OARD1: variants seen among roughly 807,000 people sequenced by gnomAD.
The protein encoded by OARD1 is O-acyl-ADP-ribose deacylase 1, also known as ADP-ribose glycohydrolase OARD1.
In OARD1, 19 loss-of-function variants were observed where a neutral mutation model predicts 19.7. That is an observed-to-expected ratio of 0.96 (90% CI 0.67 to 1.41). The LOEUF (loss-of-function observed/expected upper bound fraction) is 1.41. Among genes scored for constraint, OARD1 ranks in the 40% most tolerant of loss-of-function variants. The pLI, the probability that OARD1 is intolerant of heterozygous loss-of-function variation, is 0.00. For synonymous variants in OARD1, 70 were observed against 61.8 expected, an observed-to-expected ratio of 1.13 and a Z score of -0.62; for missense variants, 190 against 183.8, an observed-to-expected ratio of 1.03 and a Z score of -0.20.
At chr6:41,089,523 C>A in intron 1 of OARD1, 1 of 1,486,502 alleles carries the variant, frequency 6.7e-7, no homozygotes, top group South Asian at 1.4e-5. Context: ...CTCTCGGGGA[C>A]CAAAGGAGAC....
chr6:41,095,098 C>A (rs1246175632), intron 1 of OARD1, among the ~76,000 whole-genome samples: 2 of 152,170 alleles, frequency 1.3e-5, no homozygotes, highest in Non-Finnish European at 2.9e-5. Context: ...AGCCTACTCT[C>A]CACATCCTAG....
intron 1 of OARD1, chr6:41,097,453 C>T (rs144914647): frequency 6.3e-7 from 1 of 1,597,386 alleles, no homozygotes; most frequent in East Asian, 2.2e-5. Context: ...ATGTTTCTCA[C>T]TGTTCCAGGA....
chr6:41,080,231 C>T (rs1763869371), intron 1 of OARD1, among the ~76,000 whole-genome samples: 1 of 152,062 alleles, frequency 6.6e-6, no homozygotes, highest in African/African-American at 2.4e-5. Flanking sequence ...GGAAGGTTGG[C>T]TTAAGCCCAG....
chr6:41,097,067 G>A (rs146220549), intron 1 of OARD1, among the ~76,000 whole-genome samples: 2,575 of 152,280 alleles, frequency 0.017, 33 homozygotes, highest in South Asian at 0.028. Flanking sequence ...TAACCCTTAA[G>A]TATAGAGAAC....
At chr6:41,071,529 T>G (rs773467744) in intron 2 of OARD1, 67 bp downstream of exon 2, 1 of 1,306,070 alleles carries the variant, frequency 7.7e-7, no homozygotes, top group Non-Finnish European at 1.1e-6. Context: ...AATTAAAAAG[T>G]GTTTATGCTT....
Position 41,079,128 on chromosome 6 carries a change from G to C in OARD1, c.-41-7453C>G, listed in dbSNP as rs778589621. The C allele has an allele frequency of 1.1e-5, 18 of 1,614,180 alleles. No homozygotes were observed. The South Asian group carries it at 1.6e-4, about 15-fold the overall frequency. The stretch of plus-strand genomic sequence containing the variant: ...CAGCAAACAGCAATAGTTCGACAGA[G>C]CAGATTGTTGTCCAGGCAGGACAGA... On this transcript the variant is annotated intron_variant, in intron 1 of 4. Coordinates refer to the OARD1 transcript ENST00000480585.
chr6:41,070,175 C>T, intron 3 of OARD1, 41 bp from the exon 4 acceptor site: 1 of 1,044,416 alleles, frequency 9.6e-7, no homozygotes, highest in East Asian at 2.4e-5. Context: ...AAAAAGAAAA[C>T]CAAACACTGA....
In OARD1 at chr6:41,094,482, T is replaced by G. The variant is rs773276999; in HGVS notation, c.-42+3231A>C. On this transcript the variant is annotated intron_variant, in intron 1 of 4. Coordinates refer to the OARD1 transcript ENST00000480585. ...GATTTTTCTCTCCAAAGGAAAAGGA[T>G]AGTCCCCATATGCAGGTAGGAAGAC... is the stretch of plus-strand genomic sequence containing the variant. 5.0e-6 allele frequency: 8 copies of G among 1,613,904 alleles called. No homozygotes were observed. In the East Asian group the frequency reaches 1.8e-4, roughly 36 times the overall value.
At chr6:41,082,344 A>G (rs1252333777) in intron 1 of OARD1, among the ~76,000 whole-genome samples, 2 of 152,336 alleles carry the variant, frequency 1.3e-5, no homozygotes, top group Middle Eastern at 3.4e-3. Context: ...CATCTTACTC[A>G]TATATAAAAC....
rs1298479111 is a variant in OARD1 at position 41,067,349 on chromosome 6, C to T, written c.445G>A (p.Val149Met). 17 of 1,607,840 alleles carry T rather than the reference C, an allele frequency of 1.1e-5. No homozygotes were observed. The highest frequency in any genetic ancestry group is 1.4e-5 in the Non-Finnish European group (17 of 1,174,522). Residue 149 changes from valine to methionine, a missense_variant, in exon 6 of 6, where the codon GTG becomes ATG. Physicochemically the swap from Val to Met is conservative, Grantham distance 21. Transcript: ENST00000424266. ...TGTTCACTGGTTCAGAGTGTGTACA[C>T]AGTAATTTTGATGTCTGTTGCCTCA... is the stretch of plus-strand genomic sequence containing the variant. The part of the protein sequence containing the change: ...VFEATDIKIT[V>M]YTL
At chr6:41,090,408 A>G (rs187782663) in intron 1 of OARD1, 6 of 634,348 alleles carry the variant, frequency 9.5e-6, no homozygotes, top group African/African-American at 9.1e-5. Flanking sequence ...ACTTGACACT[A>G]CATATTTTTT....
chr6:41,093,751 G>A (rs564294496), intron 1 of OARD1, among the ~76,000 whole-genome samples: 2 of 152,320 alleles, frequency 1.3e-5, no homozygotes, highest in East Asian at 1.9e-4. Flanking sequence ...GATTATAGGC[G>A]TGAGCCACCA....
intron 1 of OARD1, among the ~76,000 whole-genome samples, chr6:41,083,794 T>C (rs939207606): frequency 6.6e-6 from 1 of 152,254 alleles, no homozygotes; most frequent in African/African-American, 2.4e-5. Context: ...AAATGCCTTA[T>C]ATCTATTGAG....
At chr6:41,076,609 C>G (rs964002002), upstream of OARD1, among the ~76,000 whole-genome samples, 4 of 152,178 alleles carry the variant, frequency 2.6e-5, no homozygotes, top group Non-Finnish European at 4.4e-5. Context: ...GAGAATTGCA[C>G]TGAGAAGAGA....
rs1762975189 is a variant in OARD1 at position 41,065,573 on chromosome 6, TC to T, written c.*1761del. 1 of 152,224 alleles carries T rather than the reference TC, an allele frequency of 6.6e-6. No individual in the cohort carries two copies. Among genetic ancestry groups the T allele is most frequent in the Admixed American group, 6.5e-5 (1 of 15,286 alleles). 9.4% of individuals were successfully genotyped at this position (152,224 alleles called of 1,614,324 possible). On this transcript the variant is annotated 3_prime_UTR_variant, in exon 6 of 6. Transcript: ENST00000424266. ...ACTTTATGTGGACAAAAGCAATGCTTCAAGAAAAGCCTCAATCTAAAAGTTT... is the reference window on the plus strand; with the variant it reads ...ACTTTATGTGGACAAAAGCAATGCTTAAGAAAAGCCTCAATCTAAAAGTTT...
intron 4 of OARD1, chr6:41,069,308 C>T (rs1447110761): frequency 6.2e-6 from 1 of 160,744 alleles, no homozygotes; most frequent in East Asian, 1.8e-4. Context: ...GGGAAGAAAG[C>T]ATACCACCTG....
At chr6:41,077,767 T>A (rs1317377616) in intron 1 of OARD1, among the ~76,000 whole-genome samples, 1 of 152,164 alleles carries the variant, frequency 6.6e-6, no homozygotes, top group Non-Finnish European at 1.5e-5. Flanking sequence ...AAATCCAAAT[T>A]ATAGCTAGAA....
rs766406185 is a variant in OARD1, at chr6:41,069,977, T to C, written c.243+99A>G. The C allele has an allele frequency of 3.7e-6, 3 of 812,730 alleles. No homozygotes were observed. In the East Asian group the frequency reaches 7.3e-5, roughly 20 times the overall value. 50.3% of individuals were successfully genotyped at this position (812,730 alleles called of 1,614,324 possible). On this transcript the variant is annotated intron_variant, in intron 4 of 5. Transcript: ENST00000424266. ...ATTCTTAGTTGTCTAGAATAGAACA[T>C]CATGATCAACACAAATGCAGTGCAG...
At chr6:41,084,467 TAAAAG>T (rs1423013926) in intron 1 of OARD1, among the ~76,000 whole-genome samples, 5 of 152,136 alleles carry the variant, frequency 3.3e-5, no homozygotes, top group Non-Finnish European at 7.3e-5. Flanking sequence ...TATTTTATTT[TAAAAG>T]AAACAAAAAT....
Sources: allele counts gnomAD v4.1 joint callset (sites outside exome capture counted in the v4.1 genomes callset), GRCh38; gene constraint gnomAD v4.1.1; transcripts MANE v1.5; gene names NCBI Gene and HGNC (gene_info 2026-07-23, HGNC 2026-07-21).